The following VDR variants were observed in gnomAD, a reference collection of about 807,000 sequenced individuals.
The protein encoded by VDR is vitamin D receptor.
A neutral mutation model predicts 39.7 loss-of-function variants in VDR; 19 were observed. The observed-to-expected ratio is 0.48, with a 90% CI of 0.33 to 0.70. The LOEUF (loss-of-function observed/expected upper bound fraction) is 0.70. Among genes scored for constraint, VDR ranks in the 30% least tolerant of loss-of-function variants. The pLI, the probability that VDR is intolerant of heterozygous loss-of-function variation, is 0.02. For synonymous variants in VDR, 242 were observed against 215.8 expected (o/e 1.12, Z -1.07); for missense variants, 442 against 570.5 (o/e 0.77, Z 2.29).
intron 4 of VDR, among the ~76,000 whole-genome samples, chr12:47,858,864 G>C (rs11574080): frequency 6.6e-6 from 1 of 152,212 alleles, no homozygotes. Flanking sequence ...GGGGGAGGAC[G>C]AGAGAAGTTG....
chr12:47,846,896 C>T (rs1945291970), intron 7 of VDR, 88 bp from the exon 8 acceptor site: 1 of 1,501,400 alleles, frequency 6.7e-7, no homozygotes, highest in South Asian at 1.1e-5. Context: ...AGGTATACAC[C>T]TGCTGGGCAC....
rs183584810 is a variant in VDR, at chr12:47,874,677, A to T, written c.146+4291T>A. Among the ~76,000 whole-genome samples, 4 of 152,314 alleles carry T rather than the reference A, an allele frequency of 2.6e-5. No homozygotes were observed. In the East Asian group the frequency reaches 5.8e-4, roughly 22 times the overall value. ...AGAAGACAAGATAAGCAGGCAAACGATGACCTGTTTCTCATCTTGCCTTCC... is the reference window on the plus strand; with the variant it reads ...AGAAGACAAGATAAGCAGGCAAACGTTGACCTGTTTCTCATCTTGCCTTCC... On this transcript the variant is annotated intron_variant, in intron 3 of 9. Transcript: ENST00000549336.
intron 7 of VDR, among the ~76,000 whole-genome samples, chr12:47,850,104 G>A (rs553492139): frequency 1.6e-4 from 24 of 152,140 alleles, no homozygotes; most frequent in Non-Finnish European, 3.1e-4. Flanking sequence ...TGCCCACCTT[G>A]GCCTCCCAAA....
At chr12:47,882,846 G>T in intron 1 of VDR, 72 bp from the exon 2 acceptor site, 1 of 1,226,336 alleles carries the variant, frequency 8.2e-7, no homozygotes, top group Non-Finnish European at 1.1e-6. Flanking sequence ...TAAGGAAGTG[G>T]GCACGAGAGG....
At chr12:47,904,892 C>A in intron 1 of VDR, 63 bp downstream of exon 1, 1 of 308,600 alleles carries the variant, frequency 3.2e-6, no homozygotes, top group Non-Finnish European at 6.1e-6. Context: ...CCCGGTATCC[C>A]AGACGCCCCG....
chr12:47,856,967 G>A (rs778861192), intron 6 of VDR, among the ~76,000 whole-genome samples, 162 bp downstream of exon 6: 1 of 152,226 alleles, frequency 6.6e-6, no homozygotes, highest in Non-Finnish European at 1.5e-5. Flanking sequence ...ACCCCTTTCT[G>A]TAACAGAGGG....
intron 1 of VDR, among the ~76,000 whole-genome samples, chr12:47,886,954 A>G (rs1946266773): frequency 6.6e-6 from 1 of 150,664 alleles, no homozygotes; most frequent in African/African-American, 2.4e-5. Flanking sequence ...CTACTAGGCC[A>G]TTCGCACAGG....
chr12:47,882,520 C>T, intron 2 of VDR, 174 bp downstream of exon 2: 1 of 609,926 alleles, frequency 1.6e-6, no homozygotes, highest in Non-Finnish European at 2.8e-6. Flanking sequence ...CCACCCGCAC[C>T]CCACACACTC....
chr12:47,861,283 C>G (rs1945620588), intron 4 of VDR, among the ~76,000 whole-genome samples: 1 of 152,198 alleles, frequency 6.6e-6, no homozygotes, highest in Non-Finnish European at 1.5e-5. Flanking sequence ...TTTAAAGAGA[C>G]AAAGAAAGTT....
chr12:47,887,322 CAAAAAAAAA>C (rs10686139), intron 1 of VDR, among the ~76,000 whole-genome samples: 1 of 72,106 alleles, frequency 1.4e-5, no homozygotes, highest in East Asian at 3.9e-4. Flanking sequence ...AACTCCGTCT[CAAAAAAAAA>C]AAAAAAAAAA....
intron 4 of VDR, among the ~76,000 whole-genome samples, chr12:47,862,707 A>G (rs1945650056): frequency 6.6e-6 from 1 of 152,166 alleles, no homozygotes; most frequent in African/African-American, 2.4e-5. Context: ...GAGACACTCA[A>G]TTGTCTCTGG....
intron 4 of VDR, among the ~76,000 whole-genome samples, chr12:47,859,984 A>T (rs138472367): frequency 1.2e-4 from 14 of 116,538 alleles, no homozygotes; most frequent in Admixed American, 5.9e-4. Flanking sequence ...TCTTTCTTTC[A>T]CAGACTCTCG....
intron 1 of VDR, chr12:47,904,462 T>TTAAAA (rs758574804): frequency 5.6e-6 from 2 of 357,636 alleles, no homozygotes; most frequent in African/African-American, 8.6e-5. Context: ...CAAAGAAAAG[T>TTAAAA]AAAAAAAAAA....
At position 47,855,184 on chromosome 12, in the gene VDR, C is replaced by A. The variant is rs976788829; in HGVS notation, c.755+446G>T. Among the ~76,000 whole-genome samples, 4 of 152,180 alleles carry A rather than the reference C, an allele frequency of 2.6e-5. No homozygotes were observed. In the South Asian group the frequency reaches 8.3e-4, roughly 32 times the overall value. ...CTCTACTAAAATTATAAAAATTAGC[C>A]GGGCTTGGTGGCCCACACCTGTAAT... On this transcript the variant is annotated intron_variant, in intron 7 of 9. Coordinates refer to ENST00000549336, the MANE Select transcript of VDR (RefSeq NM_000376.3).
rs575143820 is a variant in VDR, at chr12:47,847,985, C to T, written c.756-1177G>A. Among the ~76,000 whole-genome samples the T allele has an allele frequency of 7.2e-5, 11 of 151,766 alleles. No individual in the cohort carries two copies. The East Asian group carries it at 1.2e-3, about 16-fold the overall frequency. On this transcript the variant is annotated intron_variant, in intron 7 of 9. Coordinates refer to ENST00000549336, the MANE Select transcript of VDR (RefSeq NM_000376.3). Reference sequence around the variant, plus strand: ...CGCGATCTCGGCTCACTGCAAGCTTCGCCTCCCAGGTTCACGCCATTCTCC... The same window carrying T: ...CGCGATCTCGGCTCACTGCAAGCTTTGCCTCCCAGGTTCACGCCATTCTCC...
At chr12:47,903,616 TC>T (rs1946610052) in intron 1 of VDR, among the ~76,000 whole-genome samples, 1 of 152,170 alleles carries the variant, frequency 6.6e-6, no homozygotes, top group Admixed American at 6.5e-5. Context: ...CAAATCACCC[TC>T]ACTCCCTAGC....
At position 47,857,034 on chromosome 12, in the gene VDR, C is replaced by T. The variant is rs936923634; in HGVS notation, c.583+95G>A. On this transcript the variant is annotated intron_variant, in intron 6 of 9. Transcript: ENST00000549336. ...ATTTATGTAAGTTTCCATTAGGGAG[C>T]CTTCCACCTCCTTCCATCCAGCAGC... 1.9e-6 allele frequency: 3 copies of T among 1,579,312 alleles called. No homozygotes were observed. The African/African-American group carries it at 4.0e-5, about 21-fold the overall frequency.
intron 1 of VDR, among the ~76,000 whole-genome samples, chr12:47,892,223 C>T (rs565083680): frequency 5.3e-5 from 8 of 152,328 alleles, no homozygotes; most frequent in African/African-American, 9.6e-5. Context: ...CAGGCAGCTC[C>T]GGTCCCATGC....
chr12:47,866,635 G>A (rs534120679), intron 3 of VDR, among the ~76,000 whole-genome samples: 2 of 152,326 alleles, frequency 1.3e-5, no homozygotes, highest in Non-Finnish European at 2.9e-5. Flanking sequence ...CAAGCAGGTG[G>A]AAATCCTGAG....
Sources: allele counts gnomAD v4.1 joint callset (sites outside exome capture counted in the v4.1 genomes callset), GRCh38; gene constraint gnomAD v4.1.1; transcripts MANE v1.5; gene names NCBI Gene and HGNC (gene_info 2026-07-23, HGNC 2026-07-21).